YJEFN3: variants seen among roughly 807,000 people sequenced by gnomAD.
YJEFN3 encodes YjeF N-terminal domain containing 3.
YJEFN3 carries 29 observed loss-of-function variants against 31.5 expected under a neutral mutation model. The observed-to-expected ratio is 0.92, with a 90% CI of 0.69 to 1.26. The LOEUF is 1.26. Among genes scored for constraint, YJEFN3 ranks in the 50% most tolerant of loss-of-function variants. The probability of loss-of-function intolerance (pLI) is 0.00; values close to 1 mark genes in which losing one functional copy is unlikely to be tolerated. For synonymous variants in YJEFN3, 227 were observed against 196.1 expected, an observed-to-expected ratio of 1.16 and a Z score of -1.32; for missense variants, 442 against 425.4, an observed-to-expected ratio of 1.04 and a Z score of -0.34.
At chr19:19,530,786 G>A (rs2061148080) in intron 2 of YJEFN3, among the ~76,000 whole-genome samples, 1 of 152,216 alleles carries the variant, frequency 6.6e-6, no homozygotes, top group African/African-American at 2.4e-5. Context: ...TATGTCAGCT[G>A]CAGACAGGCT....
At chr19:19,537,222 T>C in intron 6 of YJEFN3, 97 bp from the exon 7 acceptor site, 3 of 1,158,846 alleles carry the variant, frequency 2.6e-6, no homozygotes, top group Non-Finnish European at 3.6e-6. Flanking sequence ...GGCTCAGTGT[T>C]GGAGGGGAGA....
chr19:19,529,036 G>A (rs1457835960), intron 1 of YJEFN3, 45 bp downstream of exon 1: 3 of 1,548,184 alleles, frequency 1.9e-6, no homozygotes, highest in Non-Finnish European at 2.6e-6. Flanking sequence ...GGTTCCCATG[G>A]GGCCAGGAGC....
chr19:19,530,573 C>T (rs771240206), intron 2 of YJEFN3, among the ~76,000 whole-genome samples: 58 of 152,194 alleles, frequency 3.8e-4, no homozygotes, highest in Non-Finnish European at 6.8e-4. Context: ...CCTCCCTGCA[C>T]CCTCCTGCGG....
chr19:19,533,157 G>T (rs1056866435), intron 3 of YJEFN3: 4 of 1,002,992 alleles, frequency 4.0e-6, no homozygotes, highest in African/African-American at 1.7e-5. Context: ...GTCAGAGGGG[G>T]ATGGAAGCAG....
Position 19,535,116 on chromosome 19 carries a change from TG to T in YJEFN3, c.403del (p.Val135SerfsTer29). ...CCGGAGCAGAACGGGGCAGTGGGGC[TG>T]GTCTGTGCCCGGCACCTGCGGGTGT... ...CGPEQNGAVG[L>X]VCARHLRVFE... On this transcript the variant is annotated frameshift_variant, in exon 4 of 7. Transcript: ENST00000514277. LOFTEE classifies it high-confidence loss of function. 6.8e-6 allele frequency: 11 copies of T among 1,610,820 alleles called. No homozygotes were observed. The highest frequency in any genetic ancestry group is 8.5e-6 in the Non-Finnish European group (10 of 1,178,100).
chr19:19,532,176 C>T (rs945036256), intron 2 of YJEFN3, among the ~76,000 whole-genome samples: 2 of 152,226 alleles, frequency 1.3e-5, no homozygotes, highest in Admixed American at 6.5e-5. Flanking sequence ...ACCCCAGATG[C>T]CCCCAGTCCT....
intron 3 of YJEFN3, chr19:19,533,335 G>A (rs1469034635): frequency 1.0e-6 from 1 of 985,640 alleles, no homozygotes; most frequent in African/African-American, 1.7e-5. Context: ...TGGTACTGAC[G>A]AGTCAGTCCC....
At chr19:19,533,442 C>T in intron 3 of YJEFN3, 1 of 971,098 alleles carries the variant, frequency 1.0e-6, no homozygotes, top group South Asian at 4.9e-5. Flanking sequence ...CCTCGCCTTT[C>T]TCCTCCTTCC....
chr19:19,533,317 A>T, intron 3 of YJEFN3: 1 of 985,802 alleles, frequency 1.0e-6, no homozygotes, highest in South Asian at 4.7e-5. Flanking sequence ...CTGCAACAGC[A>T]TAATAAATGG....
At chr19:19,529,113 C>T (rs1488351023) in intron 1 of YJEFN3, 122 bp downstream of exon 1, 16 of 1,484,270 alleles carry the variant, frequency 1.1e-5, no homozygotes, top group Non-Finnish European at 1.4e-5. Context: ...GAGACGGGCA[C>T]AGCCGGGATG....
At chr19:19,536,546 G>C (rs2061211390) in intron 6 of YJEFN3, among the ~76,000 whole-genome samples, 3 of 152,026 alleles carry the variant, frequency 2.0e-5, no homozygotes, top group Admixed American at 2.0e-4. Context: ...GGGTGTAGTG[G>C]TGCACGCCTG....
chr19:19,532,031 C>T (rs542432055), intron 2 of YJEFN3, among the ~76,000 whole-genome samples: 4 of 152,122 alleles, frequency 2.6e-5, no homozygotes, highest in Non-Finnish European at 4.4e-5. Flanking sequence ...TGAGGCACCG[C>T]GCCCGGCCTG....
intron 3 of YJEFN3, chr19:19,533,100 G>T (rs2061174055): frequency 9.6e-7 from 1 of 1,043,680 alleles, no homozygotes; most frequent in African/African-American, 1.7e-5. Flanking sequence ...ACCCTGTTCT[G>T]CAGGTGGGGA....
At chr19:19,530,452 C>G (rs1349699602) in intron 2 of YJEFN3, among the ~76,000 whole-genome samples, 1 of 151,804 alleles carries the variant, frequency 6.6e-6, no homozygotes, top group Non-Finnish European at 1.5e-5. Context: ...CCACAGAGCC[C>G]CCATTATTCT....
Position 19,529,346 on chromosome 19 carries a change from ACT to A in YJEFN3, c.60-14_60-13del. The A allele has an allele frequency of 6.3e-7, 1 of 1,586,924 alleles. No individual in the cohort carries two copies. On this transcript the variant is annotated splice_polypyrimidine_tract_variant and intron_variant, in intron 1 of 6. Coordinates refer to ENST00000514277, the MANE Select transcript of YJEFN3 (RefSeq NM_198537.4). ...CGAACCCCAACCGTGGCCCACCCCCACTCTCCATCTCTCCCAGGGCCTTGGAG... is the reference window on the plus strand; with the variant it reads ...CGAACCCCAACCGTGGCCCACCCCCACTCCATCTCTCCCAGGGCCTTGGAG...
intron 2 of YJEFN3, among the ~76,000 whole-genome samples, chr19:19,531,486 G>C (rs2061155177): frequency 6.6e-6 from 1 of 152,114 alleles, no homozygotes; most frequent in South Asian, 2.1e-4. Flanking sequence ...CGTGATCATA[G>C]CTCACTGCAG....
At chr19:19,533,452 C>T in intron 3 of YJEFN3, 1 of 965,006 alleles carries the variant, frequency 1.0e-6, no homozygotes, top group Non-Finnish European at 1.2e-6. Flanking sequence ...CTCCTCCTTC[C>T]TCCTCCTCCT....
intron 2 of YJEFN3, among the ~76,000 whole-genome samples, chr19:19,532,427 G>A (rs2061166082): frequency 6.6e-6 from 1 of 152,226 alleles, no homozygotes; most frequent in Non-Finnish European, 1.5e-5. Flanking sequence ...CTCCCACACC[G>A]CGGCCCGCCA....
At chr19:19,537,251 G>T in intron 6 of YJEFN3, 68 bp from the exon 7 acceptor site, 1 of 1,415,674 alleles carries the variant, frequency 7.1e-7, no homozygotes, top group South Asian at 1.3e-5. Context: ...GGCAGGGACA[G>T]GATGGACTCT....
Sources: gnomAD v4.1 joint callset for allele counts (sites outside exome capture counted in the v4.1 genomes callset) on GRCh38, gnomAD v4.1.1 for gene constraint, MANE v1.5 for transcripts, NCBI Gene and HGNC (gene_info 2026-07-23, HGNC 2026-07-21) for gene names.